VAV3: variants seen among roughly 807,000 people sequenced by gnomAD.
The protein encoded by VAV3 is guanine nucleotide exchange factor VAV3.
A neutral mutation model predicts 131.2 loss-of-function variants in VAV3; 94 were observed. The ratio of observed to expected loss-of-function variants is 0.72; its 90% CI spans 0.61 to 0.85. The LOEUF is 0.85. Among genes scored for constraint, VAV3 ranks in the 40% least tolerant of loss-of-function variants. The pLI is 0.00. For missense variants in VAV3, 939 were observed against 1,002.7 expected (o/e 0.94, Z 0.86); for synonymous variants, 349 against 342.0 (o/e 1.02, Z -0.22).
rs918825206 is a variant in VAV3 at position 107,791,991 on chromosome 1, A to G, written c.322-12499T>C. On this transcript the variant is annotated intron_variant, in intron 2 of 26. Transcript: ENST00000370056. ...GCTTTCAATATTCAGATCTGCTAAA[A>G]GCAGGCAATGCTGCCAGCACCTTTG... Among the ~76,000 whole-genome samples, 12 of 152,218 alleles carry G rather than the reference A, an allele frequency of 7.9e-5. No individual in the cohort carries two copies. In the East Asian group the frequency reaches 2.1e-3, roughly 27 times the overall value.
intron 15 of VAV3, among the ~76,000 whole-genome samples, chr1:107,724,836 G>GAA (rs60207273): frequency 0.11 from 15,494 of 147,352 alleles, 916 homozygotes; most frequent in East Asian, 0.25. Flanking sequence ...GTGGTGGGGG[G>GAA]AAAAAAAAAA....
At chr1:107,783,723 A>G (rs906826025) in intron 2 of VAV3, among the ~76,000 whole-genome samples, 1 of 151,938 alleles carries the variant, frequency 6.6e-6, no homozygotes, top group Admixed American at 6.6e-5. Context: ...AGCATCTATC[A>G]CCTCATTTAA....
intron 19 of VAV3, among the ~76,000 whole-genome samples, chr1:107,647,258 A>G (rs1291594003): frequency 6.7e-6 from 1 of 150,318 alleles, no homozygotes; most frequent in African/African-American, 2.4e-5. Context: ...GTAATATGCT[A>G]GCCTTTCACC....
chr1:107,925,703 A>G (rs1438999924), intron 1 of VAV3, among the ~76,000 whole-genome samples: 1 of 152,154 alleles, frequency 6.6e-6, no homozygotes, highest in African/African-American at 2.4e-5. Flanking sequence ...TTACTGTTTA[A>G]TGTTACAGAA....
chr1:107,657,863 T>A (rs1312791669), intron 19 of VAV3, among the ~76,000 whole-genome samples: 1 of 152,216 alleles, frequency 6.6e-6, no homozygotes, highest in Non-Finnish European at 1.5e-5. Flanking sequence ...AATGTTATGT[T>A]CAACAACTTA....
At chr1:107,825,601 C>G (rs1397881174) in intron 2 of VAV3, among the ~76,000 whole-genome samples, 1 of 152,134 alleles carries the variant, frequency 6.6e-6, no homozygotes, top group African/African-American at 2.4e-5. Context: ...CATAAATATT[C>G]TGTCAAACTG....
At chr1:107,941,294 C>A (rs1040055610) in intron 1 of VAV3, among the ~76,000 whole-genome samples, 50 of 152,260 alleles carry the variant, frequency 3.3e-4, no homozygotes, top group African/African-American at 1.2e-3. Context: ...GTGGTCTCTG[C>A]GTAGTAGAGT....
chr1:107,805,762 C>G (rs755661085), intron 2 of VAV3, among the ~76,000 whole-genome samples: 6 of 152,034 alleles, frequency 3.9e-5, no homozygotes, highest in Non-Finnish European at 5.9e-5. Context: ...CTCTGTCTGG[C>G]TTGTTTTGTT....
At chr1:107,922,858 G>A (rs368507836) in intron 1 of VAV3, among the ~76,000 whole-genome samples, 5,058 of 151,772 alleles carry the variant, frequency 0.033, 110 homozygotes, top group South Asian at 0.12. Flanking sequence ...AGGCTGAGGC[G>A]GGAGAATGGC....
chr1:107,617,710 A>G lies in VAV3; in HGVS notation c.1915-78T>C, dbSNP rs935255804. 1.5e-5 allele frequency: 19 copies of G among 1,263,548 alleles called. No homozygotes were observed. The African/African-American group carries it at 2.8e-4, about 19-fold the overall frequency. The allele number at this position is 1,263,548 out of a possible 1,614,324, so 78.3% of individuals were successfully genotyped here. On this transcript the variant is annotated intron_variant, in intron 20 of 26. Transcript: ENST00000370056. The stretch of plus-strand genomic sequence containing the variant: ...AACCCCATGATGCCCCATACATAGC[A>G]CTGTTACTTAGGATCCTTAGAATTC...
intron 20 of VAV3, among the ~76,000 whole-genome samples, chr1:107,620,763 C>T (rs1653526064): frequency 6.6e-6 from 1 of 151,986 alleles, no homozygotes; most frequent in Admixed American, 6.6e-5. Flanking sequence ...AGGATGAGAA[C>T]CCAAAGAATA....
chr1:107,748,191 C>T (rs868614660), intron 15 of VAV3, among the ~76,000 whole-genome samples: 1 of 152,054 alleles, frequency 6.6e-6, no homozygotes, highest in African/African-American at 2.4e-5. Context: ...ATCTTAGAAC[C>T]CAAATGAAAC....
chr1:107,811,754 T>C (rs1338825707), intron 2 of VAV3, among the ~76,000 whole-genome samples: 1 of 152,040 alleles, frequency 6.6e-6, no homozygotes, highest in Non-Finnish European at 1.5e-5. Flanking sequence ...ATCAAACAAC[T>C]GCAAAGCAAG....
chr1:107,666,633 G>A (rs534580620), intron 19 of VAV3, among the ~76,000 whole-genome samples: 3 of 149,564 alleles, frequency 2.0e-5, no homozygotes, highest in African/African-American at 5.0e-5. Flanking sequence ...GCAGTGGCAC[G>A]ATCTCAGCTC....
intron 1 of VAV3, among the ~76,000 whole-genome samples, chr1:107,918,370 G>A (rs1290261990): frequency 2.0e-5 from 3 of 152,178 alleles, no homozygotes; most frequent in Non-Finnish European, 2.9e-5. Context: ...GTGGAGCTCA[G>A]GAGGTCCCTA....
At chr1:107,780,948 T>G (rs910357941) in intron 2 of VAV3, among the ~76,000 whole-genome samples, 1 of 152,190 alleles carries the variant, frequency 6.6e-6, no homozygotes, top group African/African-American at 2.4e-5. Flanking sequence ...AAAAATCTGT[T>G]TCTAAATTAA....
At chr1:107,627,469 A>G (rs572636220) in intron 20 of VAV3, among the ~76,000 whole-genome samples, 1 of 152,358 alleles carries the variant, frequency 6.6e-6, no homozygotes, top group African/African-American at 2.4e-5. Flanking sequence ...CATATGTGCC[A>G]GTGGGACTCT....
At chr1:107,703,468 G>T (rs1278486496) in intron 17 of VAV3, among the ~76,000 whole-genome samples, 1 of 152,128 alleles carries the variant, frequency 6.6e-6, no homozygotes, top group Non-Finnish European at 1.5e-5. Context: ...GGCAGGACAG[G>T]CACAGTGTAG....
intron 1 of VAV3, among the ~76,000 whole-genome samples, chr1:107,964,197 C>CA (rs1366172332): frequency 6.6e-6 from 1 of 152,204 alleles, no homozygotes; most frequent in Non-Finnish European, 1.5e-5. Context: ...AAACGCCCTT[C>CA]ACTTCCTCGA....
Sources: gnomAD v4.1 joint callset for allele counts (sites outside exome capture counted in the v4.1 genomes callset) on GRCh38, gnomAD v4.1.1 for gene constraint, MANE v1.5 for transcripts, NCBI Gene and HGNC (gene_info 2026-07-23, HGNC 2026-07-21) for gene names.